The following CAST variants were observed in gnomAD, a reference collection of about 807,000 sequenced individuals.
The protein encoded by CAST is calpastatin, also known as MIR583 host.
CAST carries 76 observed loss-of-function variants against 119.6 expected under a neutral mutation model. The observed-to-expected ratio is 0.64, with a 90% CI of 0.53 to 0.77. The LOEUF is 0.77. Among genes scored for constraint, CAST ranks in the 30% least tolerant of loss-of-function variants. The pLI, the probability that CAST is intolerant of heterozygous loss-of-function variation, is 0.00. For synonymous variants in CAST, 319 were observed against 331.6 expected (o/e 0.96, Z 0.41); for missense variants, 953 against 946.5 (o/e 1.01, Z -0.09).
chr5:96,694,877 C>T (rs1236570275), intron 2 of CAST, among the ~76,000 whole-genome samples: 1 of 152,116 alleles, frequency 6.6e-6, no homozygotes, highest in African/African-American at 2.4e-5. Context: ...AGAAAATAAC[C>T]TCATATGACC....
chr5:96,087,101 A>T, the CAST span, among the ~76,000 whole-genome samples: 12 of 152,366 alleles, frequency 7.9e-5, no homozygotes, highest in South Asian at 2.5e-3. Flanking sequence ...AGGAACTTAG[A>T]ACAACTTGCT....
At chr5:96,374,478 CAAGGTGTGA>C in the CAST span, among the ~76,000 whole-genome samples, 3 of 152,140 alleles carry the variant, frequency 2.0e-5, no homozygotes, top group Non-Finnish European at 4.4e-5. Context: ...TCTTCAAGCT[CAAGGTGTGA>C]AAGGTAAGGG....
At chr5:96,246,101 A>G in the CAST span, among the ~76,000 whole-genome samples, 2 of 151,862 alleles carry the variant, frequency 1.3e-5, no homozygotes, top group Non-Finnish European at 2.9e-5. Context: ...CTTGGCAGAG[A>G]TTTAAAAAAC....
chr5:96,612,914 A>C (rs940427542), intron 1 of CAST, among the ~76,000 whole-genome samples: 1 of 152,200 alleles, frequency 6.6e-6, no homozygotes, highest in African/African-American at 2.4e-5. Flanking sequence ...CAGTACATGT[A>C]ATTTTTCTCT....
the CAST span, among the ~76,000 whole-genome samples, chr5:96,046,919 T>C: frequency 6.6e-6 from 1 of 152,096 alleles, no homozygotes; most frequent in East Asian, 1.9e-4. Flanking sequence ...ATCACGAGAA[T>C]AGCACAGGAA....
chr5:96,218,972 T>A, the CAST span, among the ~76,000 whole-genome samples: 2 of 152,086 alleles, frequency 1.3e-5, no homozygotes, highest in African/African-American at 2.4e-5. Flanking sequence ...TTTCTTCAGG[T>A]GAAAAGTGGA....
chr5:96,157,685 A>G, the CAST span, among the ~76,000 whole-genome samples: 1 of 152,252 alleles, frequency 6.6e-6, no homozygotes, highest in African/African-American at 2.4e-5. Flanking sequence ...TTTTAGCCCA[A>G]TTAGCCAGCA....
chr5:96,296,291 A>G, the CAST span, among the ~76,000 whole-genome samples: 6 of 152,114 alleles, frequency 3.9e-5, no homozygotes, highest in Non-Finnish European at 8.8e-5. Context: ...AGTATCTTTG[A>G]CTTTGCTAGT....
intron 2 of CAST, among the ~76,000 whole-genome samples, chr5:96,676,105 G>C (rs904303766): frequency 2.6e-5 from 4 of 152,158 alleles, no homozygotes; most frequent in Non-Finnish European, 5.9e-5. Flanking sequence ...TTTTCTTTGA[G>C]GCTGTTTCTT....
At chr5:96,619,583 C>T (rs946497190) in intron 1 of CAST, among the ~76,000 whole-genome samples, 1 of 152,242 alleles carries the variant, frequency 6.6e-6, no homozygotes, top group African/African-American at 2.4e-5. Flanking sequence ...CTGTTCCTCA[C>T]TGTTTGGGTC....
At chr5:96,043,758 G>T in the CAST span, among the ~76,000 whole-genome samples, 1 of 152,154 alleles carries the variant, frequency 6.6e-6, no homozygotes, top group East Asian at 1.9e-4. Flanking sequence ...CCAGAACAGG[G>T]TCATAAAGGA....
the CAST span, among the ~76,000 whole-genome samples, chr5:95,990,955 A>C: frequency 6.6e-6 from 1 of 152,176 alleles, no homozygotes; most frequent in Non-Finnish European, 1.5e-5. Flanking sequence ...TTTGTACTTA[A>C]GGGTCACTCT....
chr5:96,606,970 G>C (rs749612853), intron 1 of CAST, among the ~76,000 whole-genome samples: 30 of 152,212 alleles, frequency 2.0e-4, no homozygotes, highest in Admixed American at 3.9e-4. Context: ...GCCCCCAGAT[G>C]AATCTGATGT....
At chr5:96,585,316 C>A (rs75928646) in intron 1 of CAST, among the ~76,000 whole-genome samples, 2,883 of 152,244 alleles carry the variant, frequency 0.019, 88 homozygotes, top group African/African-American at 0.058. Context: ...GATTTCCCCA[C>A]CTCCAAGTTT....
chr5:96,633,977 C>T (rs940929869), intron 1 of CAST, among the ~76,000 whole-genome samples: 19 of 152,202 alleles, frequency 1.2e-4, no homozygotes, highest in African/African-American at 3.9e-4. Context: ...CTCATCCTGA[C>T]TTCCCAAAAC....
the CAST span, among the ~76,000 whole-genome samples, chr5:96,258,709 T>G: frequency 6.6e-6 from 1 of 152,228 alleles, no homozygotes; most frequent in South Asian, 2.1e-4. Context: ...ACATATTACT[T>G]TGTCCTCTCC....
At chr5:96,501,492 A>T in the CAST span, among the ~76,000 whole-genome samples, 2 of 152,238 alleles carry the variant, frequency 1.3e-5, no homozygotes, top group African/African-American at 2.4e-5. Context: ...GTAACCATGC[A>T]ATCATAAGAG....
chr5:96,673,145 CTAT>C (rs1253342271), intron 1 of CAST, among the ~76,000 whole-genome samples: 2 of 151,998 alleles, frequency 1.3e-5, no homozygotes, highest in African/African-American at 2.4e-5. Flanking sequence ...AAAACAGTGG[CTAT>C]TATTATTACT....
At chr5:96,048,688 G>A in the CAST span, among the ~76,000 whole-genome samples, 36 of 152,030 alleles carry the variant, frequency 2.4e-4, no homozygotes, top group African/African-American at 5.1e-4. Flanking sequence ...AGACAGAGTG[G>A]ACATGTCCCA....
Sources: allele counts gnomAD v4.1 joint callset (sites outside exome capture counted in the v4.1 genomes callset), GRCh38; gene constraint gnomAD v4.1.1; transcripts MANE v1.5; gene names NCBI Gene and HGNC (gene_info 2026-07-23, HGNC 2026-07-21).